SEPTIN10: variants seen among roughly 807,000 people sequenced by gnomAD.
SEPTIN10 encodes the protein septin 10.
Under a neutral mutation model 54.8 loss-of-function variants are expected in SEPTIN10, and 66 were observed. The ratio of observed to expected loss-of-function variants is 1.21; its 90% CI spans 0.99 to 1.48. SEPTIN10 has a LOEUF of 1.48. Among genes scored for constraint, SEPTIN10 ranks in the 40% most tolerant of loss-of-function variants. SEPTIN10 has a pLI of 0.00. For missense variants in SEPTIN10, 620 were observed against 545.6 expected, an observed-to-expected ratio of 1.14 and a Z score of -1.36; for synonymous variants, 161 against 181.0, an observed-to-expected ratio of 0.89 and a Z score of 0.89.
chr2:109,560,261 T>C (rs1034692365), intron 8 of SEPTIN10, among the ~76,000 whole-genome samples: 1 of 152,188 alleles, frequency 6.6e-6, no homozygotes, highest in African/African-American at 2.4e-5. Context: ...GTGGTCTTCA[T>C]TATTCTCCAA....
chr2:109,613,259 G>A (rs114463079), intron 1 of SEPTIN10: 32,564 of 1,078,400 alleles, frequency 0.03, 648 homozygotes, highest in South Asian at 0.07. Flanking sequence ...GAACAAACGC[G>A]TTCTTTTAGA....
At chr2:109,577,293 G>A (rs1462785939) in intron 4 of SEPTIN10, among the ~76,000 whole-genome samples, 1 of 152,140 alleles carries the variant, frequency 6.6e-6, no homozygotes, top group Non-Finnish European at 1.5e-5. Flanking sequence ...AATACCTCGT[G>A]TAGTTAAAAA....
chr2:109,591,316 G>T (rs1014968529), intron 2 of SEPTIN10, among the ~76,000 whole-genome samples: 2 of 152,094 alleles, frequency 1.3e-5, no homozygotes, highest in African/African-American at 2.4e-5. Context: ...ACAATGACAG[G>T]ATTTTAATGT....
chr2:109,547,227 T>C (rs1681486128), intron 9 of SEPTIN10, among the ~76,000 whole-genome samples: 1 of 152,206 alleles, frequency 6.6e-6, no homozygotes. Flanking sequence ...TCCAAGTCCT[T>C]TTCCTTTGTC....
At chr2:109,573,669 A>G (rs1208182336) in intron 5 of SEPTIN10, among the ~76,000 whole-genome samples, 1 of 152,244 alleles carries the variant, frequency 6.6e-6, no homozygotes, top group African/African-American at 2.4e-5. Context: ...GTTAGTAACC[A>G]GGATCATGAA....
chr2:109,563,068 A>T (rs1439128061), intron 8 of SEPTIN10, among the ~76,000 whole-genome samples: 2 of 151,938 alleles, frequency 1.3e-5, no homozygotes, highest in Non-Finnish European at 2.9e-5. Flanking sequence ...GTGCCACCAT[A>T]CCCAGCTAAT....
chr2:109,549,340 C>G (rs1682219282), intron 9 of SEPTIN10, among the ~76,000 whole-genome samples: 3 of 152,270 alleles, frequency 2.0e-5, no homozygotes, highest in South Asian at 4.2e-4. Flanking sequence ...CTTGAAAGGT[C>G]ACACAGCACT....
chr2:109,567,763 A>G (rs2105265417), intron 6 of SEPTIN10, 52 bp downstream of exon 6: 1 of 1,495,044 alleles, frequency 6.7e-7, no homozygotes, highest in East Asian at 2.3e-5. Context: ...CTCACAAATT[A>G]CAGTTTTATT....
intron 1 of SEPTIN10, among the ~76,000 whole-genome samples, chr2:109,611,617 G>C (rs1211244942): frequency 6.6e-6 from 1 of 151,740 alleles, no homozygotes; most frequent in African/African-American, 2.4e-5. Flanking sequence ...AAATTTAGCC[G>C]GCTGTGGTGG....
intron 2 of SEPTIN10, among the ~76,000 whole-genome samples, chr2:109,589,106 T>G (rs72824802): frequency 0.13 from 19,658 of 150,780 alleles, 1,671 homozygotes; most frequent in African/African-American, 0.25. Flanking sequence ...TTTGTGGTTT[T>G]TTTGTTTGTT....
intron 5 of SEPTIN10, among the ~76,000 whole-genome samples, chr2:109,569,159 T>C (rs1687765638): frequency 1.3e-5 from 2 of 152,178 alleles, no homozygotes; most frequent in Admixed American, 1.3e-4. Context: ...CTGGGCGTGG[T>C]GGCTCACGCC....
chr2:109,547,762 A>C (rs1681683106), intron 9 of SEPTIN10, among the ~76,000 whole-genome samples: 1 of 152,236 alleles, frequency 6.6e-6, no homozygotes, highest in Non-Finnish European at 1.5e-5. Flanking sequence ...TACCAAAAGA[A>C]AACATCTATC....
intron 8 of SEPTIN10, among the ~76,000 whole-genome samples, chr2:109,559,835 C>G (rs1017405533): frequency 3.4e-5 from 5 of 148,098 alleles, no homozygotes; most frequent in Non-Finnish European, 7.5e-5. Flanking sequence ...AGAGCTGGAA[C>G]AAAAATGGTT....
At position 109,601,765 on chromosome 2, in the gene SEPTIN10, TAA is replaced by T. The variant is rs199504357; in HGVS notation, c.31-8648_31-8647del. ...AAAATATCTTTCTACACCCTGAAGT[TAA>T]AAAAAAAAAAAGCAACTAAATCTTC... On this transcript the variant is annotated intron_variant, in intron 1 of 10. Coordinates refer to ENST00000397712, the MANE Select transcript of SEPTIN10 (RefSeq NM_144710.5). 4.8e-3 allele frequency among the ~76,000 whole-genome samples: 687 copies of T among 143,554 alleles called. 4 individuals are homozygous for T. The highest frequency in any genetic ancestry group is 0.014 in the Middle Eastern group (4 of 284). 94.2% of individuals were successfully genotyped at this position (143,554 alleles called of 152,430 possible).
chr2:109,604,329 C>T (rs889179755), intron 1 of SEPTIN10, among the ~76,000 whole-genome samples: 1 of 106,306 alleles, frequency 9.4e-6, no homozygotes, highest in Non-Finnish European at 1.8e-5. Context: ...GGTGACAGAG[C>T]GGGACCCCAT....
intron 10 of SEPTIN10, chr2:109,544,599 A>C: frequency 1.0e-6 from 1 of 965,454 alleles, no homozygotes; most frequent in African/African-American, 1.8e-5. Context: ...ATTATCTTTC[A>C]TATAGGGGAA....
chr2:109,543,626 A>G lies in SEPTIN10; in HGVS notation c.*683T>C, dbSNP rs1172327030. On this transcript the variant is annotated 3_prime_UTR_variant, in exon 11 of 11. Transcript: ENST00000397712. Reference sequence around the variant, plus strand: ...AAGGTTCATCTTGGAATATAAATGTAATCAGATAGCCACGATATTAATGGG... The same window carrying G: ...AAGGTTCATCTTGGAATATAAATGTGATCAGATAGCCACGATATTAATGGG... The G allele has an allele frequency of 6.6e-6, 1 of 152,302 alleles. No homozygotes were observed. The highest frequency in any genetic ancestry group is 2.4e-5 in the African/African-American group (1 of 41,460). The allele number at this position is 152,302 out of a possible 1,614,324, so 9.4% of individuals were successfully genotyped here.
intron 8 of SEPTIN10, among the ~76,000 whole-genome samples, chr2:109,555,981 C>T (rs1416741031): frequency 1.3e-5 from 2 of 152,216 alleles, no homozygotes; most frequent in Non-Finnish European, 2.9e-5. Context: ...CCATCTCTCC[C>T]TTCTCATAGG....
In SEPTIN10 at chr2:109,613,797, CCAGGTGCCGCGCCACCT is replaced by C. The variant is rs1297296895; in HGVS notation, c.14_30del (p.Glu5AlafsTer20). ...GGGGCCCCGGCGTCGGCGGGACTCA[CCAGGTGCCGCGCCACCT>C]CGGAGGAGGCCATGGTCGCGGGCAG... On this transcript the variant is annotated frameshift_variant and splice_region_variant, in exon 1 of 11. Coordinates refer to ENST00000397712, the MANE Select transcript of SEPTIN10 (RefSeq NM_144710.5). LOFTEE classifies it high-confidence loss of function. The C allele has an allele frequency of 3.2e-6, 4 of 1,231,854 alleles. No individual in the cohort carries two copies. Among genetic ancestry groups the C allele is most frequent in the Non-Finnish European group, 4.0e-6 (4 of 988,200 alleles). The allele number at this position is 1,231,854 out of a possible 1,614,324, so 76.3% of individuals were successfully genotyped here.
Sources: allele counts gnomAD v4.1 joint callset (sites outside exome capture counted in the v4.1 genomes callset), GRCh38; gene constraint gnomAD v4.1.1; transcripts MANE v1.5; gene names NCBI Gene and HGNC (gene_info 2026-07-23, HGNC 2026-07-21).